Variants in ROBO2 observed in about 807,000 individuals in gnomAD.
The protein encoded by ROBO2 is roundabout homolog 2.
ROBO2 carries 53 observed loss-of-function variants against 160.8 expected under a neutral mutation model. That is an observed-to-expected ratio of 0.33 (90% CI 0.26 to 0.41). The LOEUF (loss-of-function observed/expected upper bound fraction) is 0.41. Among genes scored for constraint, ROBO2 ranks in the 10% least tolerant of loss-of-function variants. ROBO2 has a pLI of 1.00. For missense variants in ROBO2, 1,577 were observed against 1,722.4 expected, an observed-to-expected ratio of 0.92 and a Z score of 1.49; for synonymous variants, 664 against 611.7, an observed-to-expected ratio of 1.09 and a Z score of -1.26.
chr3:77,260,294 A>G (rs2058693536), intron 2 of ROBO2, among the ~76,000 whole-genome samples: 1 of 152,172 alleles, frequency 6.6e-6, no homozygotes, highest in Non-Finnish European at 1.5e-5. Context: ...GAAGATATAC[A>G]TTATTATAGC....
At chr3:76,647,245 G>T (rs868521324) in intron 2 of ROBO2, among the ~76,000 whole-genome samples, 1 of 152,154 alleles carries the variant, frequency 6.6e-6, no homozygotes, top group Non-Finnish European at 1.5e-5. Flanking sequence ...GTGCAGGGGG[G>T]AAATGCAAAC....
At chr3:77,603,784 G>A (rs1487159027) in intron 20 of ROBO2, 4 of 152,072 alleles carry the variant, frequency 2.6e-5, no homozygotes, top group Non-Finnish European at 4.4e-5. Context: ...TGTAAAATGA[G>A]GAGGTTGTAG....
At chr3:77,087,945 C>T (rs553651575) in intron 1 of ROBO2, among the ~76,000 whole-genome samples, 26 of 151,998 alleles carry the variant, frequency 1.7e-4, no homozygotes, top group Admixed American at 5.9e-4. Flanking sequence ...ACCTGTGGTT[C>T]GATTGCCTTC....
intron 2 of ROBO2, among the ~76,000 whole-genome samples, chr3:76,320,399 A>G (rs2072418702): frequency 2.6e-5 from 4 of 152,198 alleles, no homozygotes. Flanking sequence ...GATGAGGTAC[A>G]GAAATTCATT....
intron 2 of ROBO2, among the ~76,000 whole-genome samples, chr3:76,022,241 C>T (rs1021623396): frequency 6.6e-6 from 1 of 151,750 alleles, no homozygotes; most frequent in African/African-American, 2.4e-5. Context: ...TTTACTTCCT[C>T]TGAAGAGTTA....
chr3:76,182,814 A>G (rs4855971), intron 2 of ROBO2, among the ~76,000 whole-genome samples: 3,609 of 152,160 alleles, frequency 0.024, 215 homozygotes, highest in East Asian at 0.2. Flanking sequence ...TTTTTTCATG[A>G]TTTGAACAAA....
chr3:77,207,029 T>G (rs1235098361), intron 2 of ROBO2, among the ~76,000 whole-genome samples: 1 of 152,208 alleles, frequency 6.6e-6, no homozygotes, highest in African/African-American at 2.4e-5. Flanking sequence ...TCATAAACAT[T>G]TTGTACCTAT....
At chr3:77,632,738 CT>C in intron 23 of ROBO2, 1 of 1,241,626 alleles carries the variant, frequency 8.1e-7, no homozygotes, top group Non-Finnish European at 1.1e-6. Flanking sequence ...GTTCTTTCTC[CT>C]TAGTGAGTCT....
At chr3:75,953,340 C>T (rs1358269466) in intron 2 of ROBO2, among the ~76,000 whole-genome samples, 1 of 151,884 alleles carries the variant, frequency 6.6e-6, no homozygotes, top group Non-Finnish European at 1.5e-5. Context: ...CTATGACTTG[C>T]AGTTCCCTAA....
chr3:77,407,031 T>G (rs7630788), intron 2 of ROBO2, among the ~76,000 whole-genome samples: 104,688 of 151,972 alleles, frequency 0.69, 37,204 homozygotes, highest in African/African-American at 0.87. Context: ...TTGCTATGTT[T>G]CCCAGGCTGG....
At chr3:76,403,506 A>T (rs975370292) in intron 2 of ROBO2, among the ~76,000 whole-genome samples, 2 of 151,560 alleles carry the variant, frequency 1.3e-5, no homozygotes, top group East Asian at 1.9e-4. Context: ...GATGAGACTG[A>T]CCCAGACCAA....
intron 2 of ROBO2, among the ~76,000 whole-genome samples, chr3:76,446,308 A>G (rs1005934592): frequency 2.6e-5 from 4 of 152,174 alleles, no homozygotes; most frequent in Admixed American, 1.3e-4. Context: ...AAAGAGAATA[A>G]AATACCTAGG....
chr3:77,191,079 A>T (rs938520257), intron 2 of ROBO2, among the ~76,000 whole-genome samples: 2 of 152,162 alleles, frequency 1.3e-5, no homozygotes, highest in Non-Finnish European at 2.9e-5. Flanking sequence ...ATAGACTCCC[A>T]TTAAATGCTA....
chr3:77,494,591 AAAAC>A (rs1418225366), intron 5 of ROBO2, among the ~76,000 whole-genome samples: 5 of 152,224 alleles, frequency 3.3e-5, no homozygotes, highest in Admixed American at 6.5e-5. Flanking sequence ...GAAAAAACAA[AAAAC>A]AAACAAACAA....
intron 2 of ROBO2, among the ~76,000 whole-genome samples, chr3:76,936,174 A>C (rs1396630129): frequency 6.6e-6 from 1 of 152,094 alleles, no homozygotes; most frequent in Non-Finnish European, 1.5e-5. Flanking sequence ...AGCTATAGAC[A>C]TGAAAAACAT....
At chr3:76,787,054 T>A (rs1005344966) in intron 2 of ROBO2, among the ~76,000 whole-genome samples, 3 of 150,870 alleles carry the variant, frequency 2.0e-5, no homozygotes, top group Non-Finnish European at 4.5e-5. Context: ...TCTACATATG[T>A]TCAAACAACC....
chr3:76,285,716 A>T (rs1298589288), intron 2 of ROBO2, among the ~76,000 whole-genome samples: 3 of 152,130 alleles, frequency 2.0e-5, no homozygotes, highest in Non-Finnish European at 4.4e-5. Context: ...AAACTTGTTG[A>T]CTGTCACAAT....
chr3:77,061,280 G>A (rs1265619173), intron 1 of ROBO2, among the ~76,000 whole-genome samples: 2 of 152,086 alleles, frequency 1.3e-5, no homozygotes, highest in Non-Finnish European at 2.9e-5. Flanking sequence ...GGTTGCCCTG[G>A]AGTTGCTATA....
intron 2 of ROBO2, among the ~76,000 whole-genome samples, chr3:76,425,380 G>A (rs1378341087): frequency 6.6e-6 from 1 of 151,840 alleles, no homozygotes; most frequent in Non-Finnish European, 1.5e-5. Context: ...GCTAAATCTA[G>A]CAACTCTACC....
Sources: gnomAD v4.1 joint callset for allele counts (sites outside exome capture counted in the v4.1 genomes callset) on GRCh38, gnomAD v4.1.1 for gene constraint, MANE v1.5 for transcripts, NCBI Gene and HGNC (gene_info 2026-07-23, HGNC 2026-07-21) for gene names.